The following CNTN5 variants were observed in gnomAD, a reference collection of about 807,000 sequenced individuals.
CNTN5 encodes the protein contactin 5.
CNTN5 carries 77 observed loss-of-function variants against 129.1 expected under a neutral mutation model. The ratio of observed to expected loss-of-function variants is 0.60; its 90% CI spans 0.50 to 0.72. The LOEUF (loss-of-function observed/expected upper bound fraction) is 0.72. Ranked by LOEUF, CNTN5 falls within the 30% of genes least tolerant of loss-of-function variation. The pLI is 0.00. For synonymous variants in CNTN5, 509 were observed against 465.6 expected, an observed-to-expected ratio of 1.09 and a Z score of -1.20; for missense variants, 1,478 against 1,328.8, an observed-to-expected ratio of 1.11 and a Z score of -1.75.
At chr11:99,211,359 C>T (rs995697883) in intron 1 of CNTN5, among the ~76,000 whole-genome samples, 1 of 152,128 alleles carries the variant, frequency 6.6e-6, no homozygotes, top group African/African-American at 2.4e-5. Context: ...TAAAAAGTGG[C>T]TAGATATTAA....
Position 99,676,261 on chromosome 11 carries a change from T to G in CNTN5, c.55+119992T>G, listed in dbSNP as rs545210440. Among the ~76,000 whole-genome samples, 3 of 152,316 alleles carry G rather than the reference T, an allele frequency of 2.0e-5. No homozygotes were observed. In the South Asian group the frequency reaches 6.2e-4, roughly 32 times the overall value. On this transcript the variant is annotated intron_variant, in intron 3 of 24. Transcript: ENST00000524871. ...AATATCTTAAAGATTTAATATATGA[T>G]TGTTGAATTAATTGGCTAGTTATTG...
chr11:99,307,165 C>G (rs1365240349), intron 1 of CNTN5, among the ~76,000 whole-genome samples: 2 of 152,132 alleles, frequency 1.3e-5, no homozygotes, highest in African/African-American at 4.8e-5. Context: ...CCTCATATGG[C>G]ATACAAGAAA....
chr11:99,833,106 C>A (rs1041364233), intron 4 of CNTN5, among the ~76,000 whole-genome samples: 8 of 152,142 alleles, frequency 5.3e-5, no homozygotes, highest in African/African-American at 1.9e-4. Flanking sequence ...AACCAAAAAG[C>A]AATCCTTTCT....
chr11:99,041,634 A>G (rs1170336256), intron 1 of CNTN5, among the ~76,000 whole-genome samples: 2 of 152,326 alleles, frequency 1.3e-5, no homozygotes, highest in East Asian at 3.9e-4. Flanking sequence ...TTTGAGATCT[A>G]TGAATGTCAC....
intron 3 of CNTN5, among the ~76,000 whole-genome samples, chr11:99,582,631 T>G (rs183169989): frequency 7.9e-5 from 12 of 152,364 alleles, no homozygotes; most frequent in Admixed American, 2.0e-4. Context: ...TTACTGAGGC[T>G]TGTGCATTCA....
At chr11:99,229,094 T>C (rs1222179413) in intron 1 of CNTN5, among the ~76,000 whole-genome samples, 1 of 152,062 alleles carries the variant, frequency 6.6e-6, no homozygotes, top group Non-Finnish European at 1.5e-5. Context: ...TGTTAATTTG[T>C]CGTTCTTCCA....
At chr11:100,014,727 A>C (rs931091474) in intron 9 of CNTN5, among the ~76,000 whole-genome samples, 1 of 152,018 alleles carries the variant, frequency 6.6e-6, no homozygotes, top group African/African-American at 2.4e-5. Flanking sequence ...CCCGGACCTT[A>C]TTCCTGGTTT....
intron 3 of CNTN5, among the ~76,000 whole-genome samples, chr11:99,630,974 G>A (rs898187049): frequency 1.3e-5 from 2 of 151,988 alleles, no homozygotes; most frequent in African/African-American, 2.4e-5. Flanking sequence ...AAATCTAAAG[G>A]CGTTTATTTT....
chr11:99,080,053 G>A (rs1349954641), intron 1 of CNTN5, among the ~76,000 whole-genome samples: 2 of 152,008 alleles, frequency 1.3e-5, no homozygotes, highest in Non-Finnish European at 2.9e-5. Context: ...ATACCCAATA[G>A]GTGCAAAGTG....
At chr11:99,373,267 C>T (rs940191154) in intron 2 of CNTN5, among the ~76,000 whole-genome samples, 5 of 151,976 alleles carry the variant, frequency 3.3e-5, no homozygotes, top group African/African-American at 1.2e-4. Flanking sequence ...AAATAGAGTA[C>T]AAAACTGGAT....
chr11:99,561,852 C>A (rs2135552486), intron 3 of CNTN5, among the ~76,000 whole-genome samples: 1 of 152,122 alleles, frequency 6.6e-6, no homozygotes, highest in Non-Finnish European at 1.5e-5. Flanking sequence ...AGAAAAAGAG[C>A]ATTACATAAA....
intron 1 of CNTN5, among the ~76,000 whole-genome samples, chr11:99,099,375 C>T (rs1866616546): frequency 6.6e-6 from 1 of 152,006 alleles, no homozygotes; most frequent in African/African-American, 2.4e-5. Context: ...CTCTTCATTC[C>T]AAATTTAAAA....
At chr11:100,070,253 G>C (rs907812422) in intron 10 of CNTN5, 171 bp from the exon 11 acceptor site, 3 of 502,642 alleles carry the variant, frequency 6.0e-6, no homozygotes, top group African/African-American at 5.9e-5. Context: ...ATTTTTTGGG[G>C]GTACAGGAAA....
At chr11:99,406,257 G>C (rs1942058924) in intron 2 of CNTN5, among the ~76,000 whole-genome samples, 1 of 151,952 alleles carries the variant, frequency 6.6e-6, no homozygotes, top group African/African-American at 2.4e-5. Flanking sequence ...CTGCTTGAAG[G>C]GGCACCCCAA....
intron 9 of CNTN5, among the ~76,000 whole-genome samples, chr11:100,010,896 T>C (rs1202470395): frequency 1.3e-5 from 2 of 152,066 alleles, no homozygotes; most frequent in African/African-American, 4.8e-5. Context: ...CCTCCCTGCT[T>C]TTCTTGAGCT....
chr11:99,532,116 T>C (rs1213422351), intron 2 of CNTN5, among the ~76,000 whole-genome samples: 1 of 151,936 alleles, frequency 6.6e-6, no homozygotes, highest in Non-Finnish European at 1.5e-5. Flanking sequence ...AGGGAGGCTA[T>C]ACCCTGCAAA....
Position 99,804,093 on chromosome 11 carries a change from A to G in CNTN5, c.56-15451A>G, listed in dbSNP as rs185761545. On this transcript the variant is annotated intron_variant, in intron 3 of 24. Transcript: ENST00000524871. ...GAAAATACTCAAGTACAAAATGCCC[A>G]AATCTTCTACTTTTTATACCAAAAG... 9.7e-4 allele frequency among the ~76,000 whole-genome samples: 148 copies of G among 152,290 alleles called. 1 individual carries two copies. The highest frequency in any genetic ancestry group is 3.4e-3 in the African/African-American group (141 of 41,580).
chr11:99,252,086 C>T lies in CNTN5; in HGVS notation c.-209-73260C>T, dbSNP rs575536209. Reference sequence around the variant, plus strand: ...TCTGAGACCCATCATTCTCTTGATTCTCCCTCCTGATTTTCTTTATCTCTC... The same window carrying T: ...TCTGAGACCCATCATTCTCTTGATTTTCCCTCCTGATTTTCTTTATCTCTC... On this transcript the variant is annotated intron_variant, in intron 1 of 24. Coordinates refer to ENST00000524871, the MANE Select transcript of CNTN5 (RefSeq NM_014361.4). Among the ~76,000 whole-genome samples, 6 of 152,030 alleles carry T rather than the reference C, an allele frequency of 3.9e-5. No individual in the cohort carries two copies. In the South Asian group the frequency reaches 8.3e-4, roughly 21 times the overall value.
intron 3 of CNTN5, among the ~76,000 whole-genome samples, chr11:99,707,778 C>A (rs608426): frequency 0.4 from 60,675 of 151,276 alleles, 12,348 homozygotes; most frequent in Middle Eastern, 0.46. Context: ...AATGTTTAGC[C>A]TTCCCATATA....
Sources: gnomAD v4.1 joint callset for allele counts (sites outside exome capture counted in the v4.1 genomes callset) on GRCh38, gnomAD v4.1.1 for gene constraint, MANE v1.5 for transcripts, NCBI Gene and HGNC (gene_info 2026-07-23, HGNC 2026-07-21) for gene names.